The following WDR70 variants were observed in gnomAD, a reference collection of about 807,000 sequenced individuals.
The protein encoded by WDR70 is WD repeat domain 70, also known as WD repeat-containing protein 70.
Under a neutral mutation model 88.6 loss-of-function variants are expected in WDR70, and 53 were observed. The ratio of observed to expected loss-of-function variants is 0.60; its 90% confidence interval spans 0.48 to 0.75. The LOEUF (loss-of-function observed/expected upper bound fraction) is 0.75. WDR70 is among the 30% of genes least tolerant of loss of function. The pLI, the probability that WDR70 is intolerant of heterozygous loss-of-function variation, is 0.00. For missense variants in WDR70, 610 were observed against 823.2 expected (o/e 0.74, Z 3.17); for synonymous variants, 280 against 270.0 (o/e 1.04, Z -0.36).
intron 9 of WDR70, among the ~76,000 whole-genome samples, chr5:37,577,409 G>C (rs550022375): frequency 4.3e-4 from 65 of 152,264 alleles, no homozygotes; most frequent in African/African-American, 1.5e-3. Flanking sequence ...TTGAGCCTAG[G>C]AGTTCGAGGT....
Position 37,703,050 on chromosome 5 carries a change from C to T in WDR70, c.1379C>T (p.Thr460Ile), listed in dbSNP as rs774631003. The T allele has an allele frequency of 1.2e-6, 2 of 1,613,770 alleles. No homozygotes were observed. The highest frequency in any genetic ancestry group is 8.5e-7 in the Non-Finnish European group (1 of 1,179,742). Residue 460 changes from threonine (T) to isoleucine (I), a missense_variant, in exon 13 of 18, where the codon ACT (threonine) becomes ATT (isoleucine). Thr to Ile is a moderately conservative substitution (Grantham distance 89). This residue lies in a region of WDR70 where 254 missense variants were observed against 300.7 expected (regional missense o/e 0.84). Coordinates refer to ENST00000265107, the MANE Select transcript of WDR70 (RefSeq NM_018034.4). ...AAACTTGTTTTCTTTGAGCGTAGGA[C>T]TTTCCAAAGGGTGTATGAAATAGAC... Reference protein sequence around the residue: ...SGKLVFFERRTFQRVYEIDIT... With the variant: ...SGKLVFFERRIFQRVYEIDIT...
chr5:37,592,884 G>T lies in WDR70; in HGVS notation c.918-12180G>T, dbSNP rs190011202. 3.9e-5 allele frequency among the ~76,000 whole-genome samples: 6 copies of T among 152,298 alleles called. No homozygotes were observed. In the East Asian group the frequency reaches 1.2e-3, roughly 29 times the overall value. On this transcript the variant is annotated intron_variant, in intron 9 of 17. Coordinates refer to ENST00000265107, the MANE Select transcript of WDR70 (RefSeq NM_018034.4). ...ATATAGAAAATTTCTGCCAGTAACG[G>T]TGGCTTGCCCCTGTAATTCCAGTGC... is the stretch of plus-strand genomic sequence containing the variant.
At chr5:37,709,186 A>G (rs1213934290) in intron 13 of WDR70, among the ~76,000 whole-genome samples, 1 of 152,198 alleles carries the variant, frequency 6.6e-6, no homozygotes, top group Non-Finnish European at 1.5e-5. Flanking sequence ...TGTGAAACAC[A>G]AGGAGATGGA....
chr5:37,397,115 C>T (rs989365362), intron 5 of WDR70, among the ~76,000 whole-genome samples: 6 of 151,292 alleles, frequency 4.0e-5, no homozygotes, highest in Admixed American at 6.6e-5. Context: ...CCAGCCTGGG[C>T]GACAGAGTGA....
intron 9 of WDR70, among the ~76,000 whole-genome samples, chr5:37,553,023 C>T (rs968423304): frequency 1.3e-5 from 2 of 152,210 alleles, no homozygotes; most frequent in African/African-American, 4.8e-5. Context: ...AGAAAGTTCT[C>T]TGCAGATAAG....
chr5:37,414,726 C>A (rs758271713), intron 5 of WDR70, among the ~76,000 whole-genome samples: 1 of 151,484 alleles, frequency 6.6e-6, no homozygotes, highest in Non-Finnish European at 1.5e-5. Context: ...GGCATGGCTA[C>A]TTTCTTCCTA....
intron 10 of WDR70, among the ~76,000 whole-genome samples, chr5:37,613,669 A>G (rs1206099880): frequency 2.0e-5 from 3 of 152,066 alleles, no homozygotes; most frequent in Non-Finnish European, 4.4e-5. Context: ...TGTTGTTGTT[A>G]TTATTGTTGT....
At chr5:37,420,101 A>G (rs903336392) in intron 5 of WDR70, among the ~76,000 whole-genome samples, 1 of 151,974 alleles carries the variant, frequency 6.6e-6, no homozygotes, top group Non-Finnish European at 1.5e-5. Context: ...AGTGGCTCTC[A>G]TCTCTAATCC....
At chr5:37,466,117 T>C (rs1193455325) in intron 7 of WDR70, among the ~76,000 whole-genome samples, 1 of 152,208 alleles carries the variant, frequency 6.6e-6, no homozygotes, top group Non-Finnish European at 1.5e-5. Flanking sequence ...AGGAGTTCAC[T>C]TGAGTAGTCA....
chr5:37,693,897 T>C (rs945019855), intron 10 of WDR70, among the ~76,000 whole-genome samples: 3 of 152,138 alleles, frequency 2.0e-5, no homozygotes, highest in Non-Finnish European at 2.9e-5. Flanking sequence ...CAAAAGAAAC[T>C]ACCATCAGAG....
chr5:37,443,230 T>A lies in WDR70; in HGVS notation c.553-9T>A, dbSNP rs778544120. 6.3e-6 allele frequency: 10 copies of A among 1,595,538 alleles called. No homozygotes were observed. The South Asian group carries it at 1.1e-4, about 18-fold the overall frequency. Reference sequence around the variant, plus strand: ...CTCCGGTCATTTTATTTTATTTTTTTAAAACCAGGTGTCTGCTTTGGGTCT... The same window carrying A: ...CTCCGGTCATTTTATTTTATTTTTTAAAAACCAGGTGTCTGCTTTGGGTCT... On this transcript the variant is annotated splice_polypyrimidine_tract_variant and intron_variant, in intron 6 of 17. Coordinates refer to ENST00000265107, the MANE Select transcript of WDR70 (RefSeq NM_018034.4).
intron 3 of WDR70, among the ~76,000 whole-genome samples, chr5:37,384,085 TA>T (rs1473777380): frequency 1.3e-5 from 2 of 151,894 alleles, no homozygotes; most frequent in Non-Finnish European, 2.9e-5. Flanking sequence ...AGGATTGTTT[TA>T]AAAAAAGCTT....
chr5:37,491,380 A>G (rs1371110030), intron 8 of WDR70, among the ~76,000 whole-genome samples: 1 of 152,134 alleles, frequency 6.6e-6, no homozygotes, highest in Non-Finnish European at 1.5e-5. Context: ...GTCCCCCATA[A>G]GCTTTCTTTT....
chr5:37,490,371 C>T (rs1282821846), intron 8 of WDR70, among the ~76,000 whole-genome samples: 2 of 151,902 alleles, frequency 1.3e-5, no homozygotes, highest in African/African-American at 4.8e-5. Flanking sequence ...GGGGAAGGCT[C>T]AATGACAGAG....
chr5:37,432,644 C>G (rs1398294282), intron 5 of WDR70, among the ~76,000 whole-genome samples: 1 of 152,118 alleles, frequency 6.6e-6, no homozygotes, highest in Non-Finnish European at 1.5e-5. Flanking sequence ...GATCCGCCCA[C>G]CTCAGCCTCC....
rs763197969 is a variant in WDR70 at position 37,702,918 on chromosome 5, G to C, written c.1278-31G>C. The C allele has an allele frequency of 2.5e-6, 4 of 1,591,530 alleles. No individual in the cohort carries two copies. In the South Asian group the frequency reaches 4.4e-5, roughly 18 times the overall value. On this transcript the variant is annotated intron_variant, in intron 12 of 17. Transcript: ENST00000265107. ...TGCTGGACTGTTGTGGAGGTCATAAGCTTATACTCGTAAACTCTTTTTTTC... is the reference window on the plus strand; with the variant it reads ...TGCTGGACTGTTGTGGAGGTCATAACCTTATACTCGTAAACTCTTTTTTTC...
chr5:37,391,646 T>C (rs1378697414), intron 3 of WDR70, among the ~76,000 whole-genome samples: 1 of 152,238 alleles, frequency 6.6e-6, no homozygotes, highest in African/African-American at 2.4e-5. Flanking sequence ...ATACCACATT[T>C]TGCTAATGCA....
In WDR70 at chr5:37,524,737, A is replaced by G. The variant is rs546148567; in HGVS notation, c.917+8147A>G. Among the ~76,000 whole-genome samples the G allele has an allele frequency of 2.0e-4, 30 of 152,320 alleles. 2 individuals carry two copies. In the South Asian group the frequency reaches 5.6e-3, roughly 28 times the overall value. On this transcript the variant is annotated intron_variant, in intron 9 of 17. Transcript: ENST00000265107. The stretch of plus-strand genomic sequence containing the variant: ...TCAGTGTGCTGTATTCAGGAAACCC[A>G]TCTCACGTGCAGAGACACACATAGG...
chr5:37,438,786 A>G (rs559702758), intron 6 of WDR70, among the ~76,000 whole-genome samples: 1 of 152,274 alleles, frequency 6.6e-6, no homozygotes, highest in East Asian at 1.9e-4. Context: ...TGTTAAATAT[A>G]GTGGGTTTAT....
Sources: gnomAD v4.1 joint callset for allele counts (sites outside exome capture counted in the v4.1 genomes callset) on GRCh38, gnomAD v4.1.1 for gene constraint, gnomAD v4.1.1 regional missense constraint, MANE v1.5 for transcripts, NCBI Gene and HGNC (gene_info 2026-07-23, HGNC 2026-07-21) for gene names.